Variants in PDXDC1 observed in about 807,000 individuals in gnomAD.
The protein encoded by PDXDC1 is pyridoxal-dependent decarboxylase domain-containing protein 1.
A neutral mutation model predicts 100.1 loss-of-function variants in PDXDC1; 42 were observed. That is an observed-to-expected ratio of 0.42 (90% CI 0.33 to 0.54). The LOEUF (loss-of-function observed/expected upper bound fraction) is 0.54, where lower values mean the gene tolerates loss of function less well. PDXDC1 is among the 20% of genes least tolerant of loss of function. The probability of loss-of-function intolerance (pLI) is 0.10; values close to 1 mark genes in which losing one functional copy is unlikely to be tolerated. For synonymous variants in PDXDC1, 260 were observed against 371.7 expected (o/e 0.70, Z 3.46); for missense variants, 636 against 979.2 (o/e 0.65, Z 4.68).
At chr16:15,086,070 A>C in intron 16 of PDXDC1, 1 of 1,494,056 alleles carries the variant, frequency 6.7e-7, no homozygotes, top group Non-Finnish European at 9.1e-7. Context: ...TATAAGGGGA[A>C]GGTAGTATTT....
chr16:14,980,413 A>C (rs562994489), intron 1 of PDXDC1, among the ~76,000 whole-genome samples: 4 of 152,288 alleles, frequency 2.6e-5, no homozygotes, highest in African/African-American at 9.6e-5. Flanking sequence ...CCTGGGTTCA[A>C]GCAATTCTCC....
At chr16:15,065,106 C>T (rs2044906907) in intron 16 of PDXDC1, 10 of 1,074,190 alleles carry the variant, frequency 9.3e-6, no homozygotes, top group East Asian at 2.4e-5. Context: ...GCGGAGCTTG[C>T]GGTAAGCCGA....
chr16:15,068,183 A>G (rs756641855), intron 16 of PDXDC1: 5 of 1,587,084 alleles, frequency 3.2e-6, no homozygotes, highest in Non-Finnish European at 4.3e-6. Context: ...TGATTGCAGC[A>G]AAAAAGTTAA....
rs754385472 is a variant in PDXDC1 at position 15,034,484 on chromosome 16, G to C, written c.1933G>C (p.Gly645Arg). The change falls in exon 21 of 23, where the codon GGC (glycine) becomes CGC (arginine). Residue 645 changes from glycine to arginine, a missense_variant. Physicochemically the swap from Gly to Arg is moderately radical, Grantham distance 125 (BLOSUM62 -2). Transcript: ENST00000396410. ...GGTGTTGCGGCAGATCCCTGTAGTG[G>C]GCTCCGTGCTGAATTGGTTTTCTCC... ...EGVLRQIPVV[G>R]SVLNWFSPVQ... 1 of 1,614,118 alleles carries C rather than the reference G, an allele frequency of 6.2e-7. No homozygotes were observed. The highest frequency in any genetic ancestry group is 1.7e-5 in the Admixed American group (1 of 60,018).
chr16:15,117,529 C>G (rs1262568152), intron 16 of PDXDC1, among the ~76,000 whole-genome samples: 2 of 151,442 alleles, frequency 1.3e-5, no homozygotes, highest in South Asian at 2.1e-4. Context: ...TGGTGGTCTA[C>G]TAAAAATACA....
At chr16:15,103,157 T>TG (rs1361757102) in intron 16 of PDXDC1, 1 of 562,612 alleles carries the variant, frequency 1.8e-6, no homozygotes, top group Admixed American at 3.1e-5. Context: ...TGTGCCTCCC[T>TG]GGGGGTCTTC....
intron 6 of PDXDC1, among the ~76,000 whole-genome samples, chr16:15,008,103 C>T (rs1409531642): frequency 6.6e-6 from 1 of 152,272 alleles, no homozygotes; most frequent in Admixed American, 6.5e-5. Context: ...TTGGGTGTCA[C>T]ATTCATAATT....
intron 16 of PDXDC1, among the ~76,000 whole-genome samples, chr16:15,091,977 G>C (rs1417126192): frequency 2.6e-5 from 4 of 152,130 alleles, no homozygotes; most frequent in Non-Finnish European, 4.4e-5. Context: ...AGGAGTTCGA[G>C]ACCAGCCTGG....
At chr16:15,073,649 A>C (rs1440894176) in intron 16 of PDXDC1, among the ~76,000 whole-genome samples, 1 of 152,222 alleles carries the variant, frequency 6.6e-6, no homozygotes, top group Non-Finnish European at 1.5e-5. Flanking sequence ...CGTGTAGCAA[A>C]AGACCTCTAA....
At chr16:15,083,503 G>T in intron 16 of PDXDC1, 1 of 1,608,920 alleles carries the variant, frequency 6.2e-7, no homozygotes, top group Non-Finnish European at 8.5e-7. Flanking sequence ...TCAATGAAAA[G>T]ATTTCTTACC....
At chr16:15,142,465 G>A (rs1184138045), downstream of PDXDC1, among the ~76,000 whole-genome samples, 1 of 152,018 alleles carries the variant, frequency 6.6e-6, no homozygotes, top group African/African-American at 2.4e-5. Context: ...CAGGGCAGTG[G>A]AATGAAGCTG....
At chr16:15,048,480 A>G (rs895330195) in intron 16 of PDXDC1, among the ~76,000 whole-genome samples, 4 of 151,940 alleles carry the variant, frequency 2.6e-5, no homozygotes, top group Admixed American at 6.6e-5. Context: ...TTGGCCTCCC[A>G]AAGTGCTGGG....
intron 16 of PDXDC1, chr16:15,131,718 A>C (rs368035666): frequency 3.5e-6 from 4 of 1,140,236 alleles, no homozygotes; most frequent in Non-Finnish European, 4.6e-6. Context: ...CTGCAGACAG[A>C]CGTGAGGTCA....
chr16:15,035,730 T>C (rs1165992509), intron 22 of PDXDC1, among the ~76,000 whole-genome samples, 177 bp downstream of exon 22: 1 of 152,162 alleles, frequency 6.6e-6, no homozygotes, highest in African/African-American at 2.4e-5. Context: ...CCCACGGTAG[T>C]GCGCTAAGGG....
intron 16 of PDXDC1, chr16:15,085,640 A>G (rs776229446): frequency 1.1e-5 from 18 of 1,612,992 alleles, no homozygotes; most frequent in Non-Finnish European, 1.4e-5. Flanking sequence ...TATACTTACT[A>G]TCATCTTCAT....
At chr16:15,025,949 T>C (rs1026031744) in intron 13 of PDXDC1, 1 of 152,354 alleles carries the variant, frequency 6.6e-6, no homozygotes, top group Admixed American at 6.5e-5. Flanking sequence ...GTTAGTCGTC[T>C]TCGGCCTGTC....
At chr16:15,117,828 A>G (rs1487236359) in intron 16 of PDXDC1, among the ~76,000 whole-genome samples, 2 of 43,636 alleles carry the variant, frequency 4.6e-5, no homozygotes, top group South Asian at 7.4e-4. Flanking sequence ...TGTTTTCCAC[A>G]TATCTTGAAA....
chr16:15,139,890 G>T (rs150381041), downstream of PDXDC1, among the ~76,000 whole-genome samples: 1,314 of 152,156 alleles, frequency 8.6e-3, 21 homozygotes, highest in African/African-American at 0.03. Context: ...GAGATCAAGA[G>T]ATCGAGACCA....
chr16:15,094,490 G>C (rs1368150394), intron 16 of PDXDC1: 1 of 545,708 alleles, frequency 1.8e-6, no homozygotes, highest in Non-Finnish European at 3.2e-6. Context: ...CCAGCCCTGA[G>C]GATCCCGAAG....
Sources: gnomAD v4.1 joint callset for allele counts (sites outside exome capture counted in the v4.1 genomes callset) on GRCh38, gnomAD v4.1.1 for gene constraint, MANE v1.5 for transcripts, NCBI Gene and HGNC (gene_info 2026-07-23, HGNC 2026-07-21) for gene names.